GLIPR1L1: variants seen among roughly 807,000 people sequenced by gnomAD.
The protein encoded by GLIPR1L1 is GLIPR1 like 1.
GLIPR1L1 carries 26 observed loss-of-function variants against 29.9 expected under a neutral mutation model. The ratio of observed to expected loss-of-function variants is 0.87; its 90% CI spans 0.64 to 1.21. The LOEUF is 1.21. GLIPR1L1 is among the 50% of genes most tolerant of loss of function. The pLI is 0.00. For synonymous variants in GLIPR1L1, 77 were observed against 97.5 expected (o/e 0.79, Z 1.24); for missense variants, 305 against 290.3 (o/e 1.05, Z -0.37).
intron 3 of GLIPR1L1, among the ~76,000 whole-genome samples, chr12:75,350,539 T>C (rs2042736868): frequency 6.6e-6 from 1 of 152,088 alleles, no homozygotes; most frequent in Non-Finnish European, 1.5e-5. Flanking sequence ...TGGTGATACT[T>C]CCAGGTGTCA....
rs534996290 is a variant in GLIPR1L1, at chr12:75,347,714, C to T, written c.513C>T (p.Tyr171=). The part of the protein sequence containing the change: ...GASTAIFVCN[Y]GPAGNFANMP... ...CAACTGCAATATTTGTATGCAACTA[C>T]GGACCTGCGTGAGTTATTTTCTCTT... Residue 171 remains tyrosine, a synonymous_variant, in exon 3 of 6, where the codon TAC becomes TAT. Transcript: ENST00000378695. 1.4e-5 allele frequency: 23 copies of T among 1,586,406 alleles called. No homozygotes were observed. Among genetic ancestry groups the T allele is most frequent in the African/African-American group, 6.7e-5 (5 of 74,340 alleles).
intron 4 of GLIPR1L1, among the ~76,000 whole-genome samples, chr12:75,368,974 T>C (rs781597318): frequency 3.3e-5 from 5 of 152,022 alleles, no homozygotes; most frequent in Admixed American, 6.6e-5. Context: ...TGTAGTTATG[T>C]TTCATTTATG....
intron 3 of GLIPR1L1, among the ~76,000 whole-genome samples, chr12:75,356,631 A>G (rs2043175173): frequency 6.6e-6 from 1 of 152,188 alleles, no homozygotes; most frequent in Non-Finnish European, 1.5e-5. Flanking sequence ...AAAGAAAGGA[A>G]AAGGGAAACA....
intron 3 of GLIPR1L1, among the ~76,000 whole-genome samples, chr12:75,354,738 G>A (rs770331361): frequency 2.0e-5 from 3 of 152,114 alleles, no homozygotes; most frequent in Non-Finnish European, 4.4e-5. Flanking sequence ...TACACTACAA[G>A]GCTACAGTAA....
intron 1 of GLIPR1L1, among the ~76,000 whole-genome samples, chr12:75,341,929 G>A (rs1239081735): frequency 2.0e-5 from 3 of 151,826 alleles, no homozygotes; most frequent in African/African-American, 7.3e-5. Context: ...TGTATTTTTA[G>A]TAGCGATGGG....
At position 75,370,208 on chromosome 12, in the gene GLIPR1L1, G is replaced by A. The variant is rs1253462505; in HGVS notation, c.*32G>A. On this transcript the variant is annotated 3_prime_UTR_variant, in exon 6 of 6. Coordinates refer to ENST00000378695, the MANE Select transcript of GLIPR1L1 (RefSeq NM_001304964.2). ...TTATATACAAAAGAAATTCTCAAAT[G>A]TTAAAATAAAGGAATAGTTTATTGC... The A allele has an allele frequency of 8.9e-7, 1 of 1,123,872 alleles. No homozygotes were observed. Among genetic ancestry groups the A allele is most frequent in the Non-Finnish European group, 1.3e-6 (1 of 743,700 alleles). 69.6% of individuals were successfully genotyped at this position (1,123,872 alleles called of 1,614,324 possible).
chr12:75,336,107 G>A (rs149994108), intron 1 of GLIPR1L1, among the ~76,000 whole-genome samples: 1,636 of 152,032 alleles, frequency 0.011, 20 homozygotes, highest in African/African-American at 0.032. Flanking sequence ...TTATTCTGCT[G>A]AAAGTTCCTT....
At chr12:75,361,671 T>G (rs2043602833) in intron 3 of GLIPR1L1, among the ~76,000 whole-genome samples, 1 of 152,160 alleles carries the variant, frequency 6.6e-6, no homozygotes, top group African/African-American at 2.4e-5. Context: ...TTCCTTACAG[T>G]GCAGCAGGAG....
chr12:75,347,150 A>G (rs1254897667), intron 2 of GLIPR1L1, among the ~76,000 whole-genome samples: 3 of 151,976 alleles, frequency 2.0e-5, no homozygotes, highest in African/African-American at 7.3e-5. Flanking sequence ...ATTCCTACCT[A>G]TGTCTTGTGA....
chr12:75,368,714 G>A (rs2044160096), intron 4 of GLIPR1L1, among the ~76,000 whole-genome samples: 1 of 151,812 alleles, frequency 6.6e-6, no homozygotes, highest in Admixed American at 6.6e-5. Flanking sequence ...TTAAAAAGTT[G>A]GCATTTGGAC....
At chr12:75,358,779 A>G (rs2043331398) in intron 3 of GLIPR1L1, among the ~76,000 whole-genome samples, 1 of 144,190 alleles carries the variant, frequency 6.9e-6, no homozygotes, top group South Asian at 2.1e-4. Context: ...TTAAATATAT[A>G]TAATATATAA....
At chr12:75,347,242 G>GTTTTCCC (rs1444212671) in intron 2 of GLIPR1L1, among the ~76,000 whole-genome samples, 1 of 151,984 alleles carries the variant, frequency 6.6e-6, no homozygotes, top group Non-Finnish European at 1.5e-5. Flanking sequence ...ACAAATAAAT[G>GTTTTCCC]TAAGTTATTG....
At chr12:75,359,727 G>A (rs982766496) in intron 3 of GLIPR1L1, among the ~76,000 whole-genome samples, 2 of 151,720 alleles carry the variant, frequency 1.3e-5, no homozygotes, top group African/African-American at 4.8e-5. Flanking sequence ...AATGCACAAA[G>A]GTATTTCAGT....
At chr12:75,337,869 G>A (rs188956020) in intron 1 of GLIPR1L1, among the ~76,000 whole-genome samples, 24 of 151,828 alleles carry the variant, frequency 1.6e-4, no homozygotes, top group African/African-American at 4.8e-4. Flanking sequence ...GAAAGAATCC[G>A]GGGTTAGAGA....
At chr12:75,360,858 C>T (rs1444538003) in intron 3 of GLIPR1L1, 1 of 152,210 alleles carries the variant, frequency 6.6e-6, no homozygotes, top group East Asian at 1.9e-4. Flanking sequence ...GATATCCAGG[C>T]ATTTCCATAT....
intron 1 of GLIPR1L1, among the ~76,000 whole-genome samples, chr12:75,338,184 C>CA: frequency 6.6e-6 from 1 of 151,998 alleles, no homozygotes; most frequent in East Asian, 1.9e-4. Context: ...AATATAGATG[C>CA]AAAAAATCTT....
chr12:75,363,111 T>A lies in GLIPR1L1; in HGVS notation c.531T>A (p.Phe177Leu), dbSNP rs1566003543. The change falls in exon 4 of 6, where the codon TTT (phenylalanine) becomes TTA (leucine). Residue 177 changes from phenylalanine to leucine, a missense_variant. Transcript: ENST00000378695. ...TTTCTCTTTTTTACAGAGGAAATTT[T>A]GCAAATATGCCTCCTTACGTAAGAG... ...FVCNYGPAGN[F>L]ANMPPYVRGE... 3 of 1,546,490 alleles carry A rather than the reference T, an allele frequency of 1.9e-6. No homozygotes were observed. The highest frequency in any genetic ancestry group is 2.6e-6 in the Non-Finnish European group (3 of 1,150,534).
At chr12:75,350,916 A>C (rs1297745796) in intron 3 of GLIPR1L1, among the ~76,000 whole-genome samples, 1 of 152,224 alleles carries the variant, frequency 6.6e-6, no homozygotes, top group Non-Finnish European at 1.5e-5. Flanking sequence ...AAAGGAGTAT[A>C]TTCTAACACA....
intron 3 of GLIPR1L1, among the ~76,000 whole-genome samples, chr12:75,350,333 G>C (rs1418580298): frequency 6.6e-6 from 1 of 152,228 alleles, no homozygotes; most frequent in Non-Finnish European, 1.5e-5. Flanking sequence ...AGTCTGGGTA[G>C]TCTGGACAAG....
Sources: allele counts gnomAD v4.1 joint callset (sites outside exome capture counted in the v4.1 genomes callset), GRCh38; gene constraint gnomAD v4.1.1; transcripts MANE v1.5; gene names NCBI Gene and HGNC (gene_info 2026-07-23, HGNC 2026-07-21).